The following SOS2 variants were observed in gnomAD, a reference collection of about 807,000 sequenced individuals.
SOS2 encodes SOS Ras/Rho guanine nucleotide exchange factor 2, also known as son of sevenless homolog 2.
SOS2 carries 65 observed loss-of-function variants against 148.2 expected under a neutral mutation model. That is an observed-to-expected ratio of 0.44 (90% CI 0.36 to 0.54). The LOEUF is 0.54. Among genes scored for constraint, SOS2 ranks in the 20% least tolerant of loss-of-function variants. The probability of loss-of-function intolerance (pLI) is 0.00; values close to 1 mark genes in which losing one functional copy is unlikely to be tolerated. For synonymous variants in SOS2, 539 were observed against 537.1 expected (o/e 1.00, Z -0.05); for missense variants, 1,341 against 1,590.2 (o/e 0.84, Z 2.67).
At position 50,216,101 on chromosome 14, in the gene SOS2, G is replaced by GT. The variant is rs60210250; in HGVS notation, c.88-11693dup. On this transcript the variant is annotated intron_variant, in intron 1 of 22. Transcript: ENST00000216373. ...TTATTAAATGTTTTGGGTTTTTTTT[G>GT]TTTTTTTTTTTTGAGATGGAGTCTC... 4.8e-3 allele frequency among the ~76,000 whole-genome samples: 665 copies of GT among 139,152 alleles called. 3 individuals carry two copies. The highest frequency in any genetic ancestry group is 0.012 in the African/African-American group (463 of 37,734). 91.3% of individuals were successfully genotyped at this position (139,152 alleles called of 152,430 possible).
At chr14:50,149,942 G>T in intron 14 of SOS2, 66 bp downstream of exon 14, 2 of 1,148,972 alleles carry the variant, frequency 1.7e-6, no homozygotes, top group Non-Finnish European at 2.6e-6. Flanking sequence ...TGTGCAAAAT[G>T]TTTTGAAAAT....
At chr14:50,201,962 A>T (rs1273883783) in intron 2 of SOS2, among the ~76,000 whole-genome samples, 1 of 152,084 alleles carries the variant, frequency 6.6e-6, no homozygotes, top group Admixed American at 6.6e-5. Flanking sequence ...GTTTTTGGAG[A>T]CAGGGTCTCA....
intron 4 of SOS2, among the ~76,000 whole-genome samples, chr14:50,189,502 A>G (rs915869397): frequency 2.5e-4 from 38 of 152,136 alleles, no homozygotes; most frequent in African/African-American, 8.9e-4. Context: ...TAATGTATAT[A>G]AAATGCATAC....
intron 2 of SOS2, among the ~76,000 whole-genome samples, chr14:50,202,998 T>C (rs1030862390): frequency 2.0e-5 from 3 of 151,078 alleles, no homozygotes; most frequent in African/African-American, 7.3e-5. Flanking sequence ...TTTACAAAAA[T>C]AAAAATAAAA....
chr14:50,173,997 C>T (rs1054562683), intron 8 of SOS2, among the ~76,000 whole-genome samples: 1 of 152,026 alleles, frequency 6.6e-6, no homozygotes, highest in Non-Finnish European at 1.5e-5. Context: ...TAGATGATTG[C>T]TTTTTAAAAA....
chr14:50,211,964 C>T lies in SOS2; in HGVS notation c.88-7555G>A, dbSNP rs149303132. 3.2e-3 allele frequency among the ~76,000 whole-genome samples: 488 copies of T among 152,154 alleles called. 2 individuals carry two copies. The highest frequency in any genetic ancestry group is 5.7e-3 in the Non-Finnish European group (389 of 68,014). ...TGGCTTATTAATACAATGGAATACA[C>T]ACAGTCAAAAAAATGCAGTAATAAT... On this transcript the variant is annotated intron_variant, in intron 1 of 22. Coordinates refer to ENST00000216373, the MANE Select transcript of SOS2 (RefSeq NM_006939.4).
intron 6 of SOS2, among the ~76,000 whole-genome samples, chr14:50,181,885 T>C (rs1885752556): frequency 6.6e-6 from 1 of 151,732 alleles, no homozygotes; most frequent in Admixed American, 6.6e-5. Context: ...TTGGAAAACA[T>C]TAAAATAATA....
Position 50,117,451 on chromosome 14 carries a change from G to A in SOS2, c.*893C>T, listed in dbSNP as rs1450793206. ...ATAGAGAAAGTTACTAGGTCTTGAA[G>A]GCAAGGCAGTTGGTTCCTATGCCAT... On this transcript the variant is annotated 3_prime_UTR_variant, in exon 23 of 23. Transcript: ENST00000216373. 6.6e-6 allele frequency: 1 copy of A among 152,194 alleles called. No individual in the cohort carries two copies. Among genetic ancestry groups the A allele is most frequent in the Non-Finnish European group, 1.5e-5 (1 of 68,038 alleles). 9.4% of individuals were successfully genotyped at this position (152,194 alleles called of 1,614,324 possible). A position where few individuals can be genotyped will look rare whatever the true frequency, so the allele number is the denominator to read the frequency against.
chr14:50,138,543 C>G (rs1884160800), intron 18 of SOS2, 69 bp downstream of exon 18: 1 of 673,484 alleles, frequency 1.5e-6, no homozygotes, highest in Non-Finnish European at 2.4e-6. Flanking sequence ...ATGTCTTATT[C>G]ATTCTATTTT....
At chr14:50,158,705 A>G in intron 10 of SOS2, 59 bp from the exon 11 acceptor site, 3 of 1,099,664 alleles carry the variant, frequency 2.7e-6, no homozygotes, top group Non-Finnish European at 4.1e-6. Context: ...TAATTAACTC[A>G]AAGTACCATA....
intron 19 of SOS2, among the ~76,000 whole-genome samples, chr14:50,132,380 G>T (rs1594959999): frequency 1.5e-5 from 2 of 132,136 alleles, no homozygotes; most frequent in African/African-American, 6.1e-5. Context: ...AAAAAAAAAG[G>T]CTGGGCATGG....
Position 50,122,141 on chromosome 14 carries a change from T to C in SOS2, c.3380-1757A>G, listed in dbSNP as rs116906102. Among the ~76,000 whole-genome samples the C allele has an allele frequency of 4.6e-3, 698 of 152,310 alleles. 7 individuals carry two copies. Among genetic ancestry groups the C allele is most frequent in the Non-Finnish European group, 5.2e-3 (353 of 68,030 alleles). ...AGTGATGAGTTTAACTGTAGGCATG[T>C]AACCTAATTCAGACCAGTGAAATTT... On this transcript the variant is annotated intron_variant, in intron 21 of 22. Transcript: ENST00000216373.
At position 50,130,549 on chromosome 14, in the gene SOS2, A is replaced by G. The variant is rs141214900; in HGVS notation, c.3289T>C (p.Ser1097Pro). ...NTPSTPPVSA[S>P]SDLSVFLDVD... ...TCTAAAAATACACTAAGGTCTGAAG[A>G]AGCAGATACTGGTGGAGTAGATGGT... is the stretch of plus-strand genomic sequence containing the variant. Residue 1097 changes from serine to proline, a missense_variant, in exon 20 of 23, where the codon TCT becomes CCT. Around this residue, in one of 4 missense-constraint regions of SOS2, gnomAD observed 354 missense variants for 347.7 expected, o/e 1.02. Transcript: ENST00000216373. The G allele has an allele frequency of 2.3e-4, 373 of 1,613,890 alleles. No individual in the cohort carries two copies. Among genetic ancestry groups the G allele is most frequent in the Middle Eastern group, 4.9e-4 (3 of 6,084 alleles).
intron 4 of SOS2, among the ~76,000 whole-genome samples, chr14:50,189,848 T>TA (rs1886066712): frequency 5.0e-5 from 2 of 40,022 alleles, no homozygotes; most frequent in South Asian, 9.2e-4. Context: ...ACTTTATTTT[T>TA]TATTTTTTTT....
intron 21 of SOS2, among the ~76,000 whole-genome samples, chr14:50,127,938 C>T (rs1287714456): frequency 6.6e-6 from 1 of 152,184 alleles, no homozygotes; most frequent in Non-Finnish European, 1.5e-5. Flanking sequence ...TTATTTTTTA[C>T]ATTCTATTTC....
rs1375287247 is a variant in SOS2 at position 50,120,321 on chromosome 14, G to C, written c.3443C>G (p.Pro1148Arg). 2 of 1,607,430 alleles carry C rather than the reference G, an allele frequency of 1.2e-6. No homozygotes were observed. The highest frequency in any genetic ancestry group is 1.7e-6 in the Non-Finnish European group (2 of 1,174,816). Residue 1148 changes from proline (P) to arginine (R), a missense_variant, in exon 22 of 23, where the codon CCT becomes CGT. By Grantham distance (103) the Pro-to-Arg change is moderately radical. This residue lies in a region of SOS2 where 354 missense variants were observed against 347.7 expected (regional missense o/e 1.02). Coordinates refer to ENST00000216373, the MANE Select transcript of SOS2 (RefSeq NM_006939.4). ...KLSEEPLIPPPLPPRKKFDHD... is the reference protein window; with the variant it reads ...KLSEEPLIPPRLPPRKKFDHD... ...ATCAAACTTTTTTCGAGGAGGAAGA[G>C]GAGGAGGAATCAGGGGCTCTTCACT... is the stretch of plus-strand genomic sequence containing the variant.
intron 21 of SOS2, among the ~76,000 whole-genome samples, chr14:50,123,380 CTTTTTTTT>C (rs34222143): frequency 8.4e-6 from 1 of 118,504 alleles, no homozygotes; most frequent in Non-Finnish European, 1.7e-5. Context: ...CACCAGAGGG[CTTTTTTTT>C]TTTTTTTTTT....
intron 8 of SOS2, among the ~76,000 whole-genome samples, chr14:50,165,733 T>C (rs757263657): frequency 6.6e-6 from 1 of 152,246 alleles, no homozygotes; most frequent in Non-Finnish European, 1.5e-5. Flanking sequence ...AATAAATGAC[T>C]ACTGTATGAT....
Position 50,141,298 on chromosome 14 carries a change from T to C in SOS2, c.2668-1239A>G, listed in dbSNP as rs928695337. Among the ~76,000 whole-genome samples the C allele has an allele frequency of 5.6e-5, 8 of 143,282 alleles. No homozygotes were observed. In the East Asian group the frequency reaches 1.2e-3, roughly 22 times the overall value. The allele number at this position is 143,282 out of a possible 152,430, so 94.0% of individuals were successfully genotyped here. A position where few individuals can be genotyped will look rare whatever the true frequency, so the allele number is the denominator to read the frequency against. ...ACTTTGAGATGTTGGGGTGGGAGAA[T>C]AGTTTGAGGCCAGGAGTTCGAAACC... is the stretch of plus-strand genomic sequence containing the variant. On this transcript the variant is annotated intron_variant, in intron 16 of 22. Coordinates refer to ENST00000216373, the MANE Select transcript of SOS2 (RefSeq NM_006939.4).
Sources: allele counts gnomAD v4.1 joint callset (sites outside exome capture counted in the v4.1 genomes callset), GRCh38; gene constraint gnomAD v4.1.1; regional missense constraint gnomAD v4.1.1; transcripts MANE v1.5; gene names NCBI Gene and HGNC (gene_info 2026-07-23, HGNC 2026-07-21).